Variants in SH3BP4 observed in about 807,000 individuals in gnomAD.
SH3BP4 encodes the protein SH3 domain-binding protein 4.
SH3BP4 carries 33 observed loss-of-function variants against 65.5 expected under a neutral mutation model. The ratio of observed to expected loss-of-function variants is 0.50; its 90% CI spans 0.38 to 0.67. The LOEUF is 0.67. Ranked by LOEUF, SH3BP4 falls within the 30% of genes least tolerant of loss-of-function variation. The pLI, the probability that SH3BP4 is intolerant of heterozygous loss-of-function variation, is 0.00. For missense variants in SH3BP4, 1,134 were observed against 1,261.4 expected, an observed-to-expected ratio of 0.90 and a Z score of 1.53; for synonymous variants, 552 against 545.5, an observed-to-expected ratio of 1.01 and a Z score of -0.17.
intron 2 of SH3BP4, among the ~76,000 whole-genome samples, chr2:235,016,416 A>G (rs1205972305): frequency 6.6e-6 from 1 of 152,130 alleles, no homozygotes; most frequent in African/African-American, 2.4e-5. Flanking sequence ...TTCCTCTGTG[A>G]CTGGAAGTGT....
intron 3 of SH3BP4, among the ~76,000 whole-genome samples, chr2:235,037,644 G>C (rs1254681169): frequency 6.6e-6 from 1 of 152,156 alleles, no homozygotes; most frequent in Non-Finnish European, 1.5e-5. Context: ...GCAAGATTTT[G>C]ATGGCCGGCA....
chr2:235,037,659 C>T (rs965167607), intron 3 of SH3BP4, among the ~76,000 whole-genome samples: 1 of 152,118 alleles, frequency 6.6e-6, no homozygotes, highest in African/African-American at 2.4e-5. Flanking sequence ...CCGGCAAGCT[C>T]TATTTAATTT....
intron 2 of SH3BP4, among the ~76,000 whole-genome samples, chr2:235,000,156 G>A (rs1381835367): frequency 6.6e-6 from 1 of 152,192 alleles, no homozygotes; most frequent in African/African-American, 2.4e-5. Flanking sequence ...TAGGGGAAGT[G>A]GCACTCACTT....
intron 1 of SH3BP4, among the ~76,000 whole-genome samples, chr2:234,968,034 C>G (rs10179530): frequency 0.04 from 6,160 of 152,204 alleles, 419 homozygotes; most frequent in African/African-American, 0.14. Flanking sequence ...GTGAGGGCGA[C>G]CACACCCAGG....
At chr2:234,957,692 C>G (rs1315237064) in intron 1 of SH3BP4, among the ~76,000 whole-genome samples, 1 of 151,880 alleles carries the variant, frequency 6.6e-6, no homozygotes, top group Non-Finnish European at 1.5e-5. Context: ...GGGTCCAGAC[C>G]TCTGTAGATT....
intron 1 of SH3BP4, among the ~76,000 whole-genome samples, chr2:234,987,928 A>C (rs901492138): frequency 6.6e-6 from 1 of 152,216 alleles, no homozygotes; most frequent in Admixed American, 6.5e-5. Flanking sequence ...ACCCACATGC[A>C]TGATGACATC....
intron 2 of SH3BP4, among the ~76,000 whole-genome samples, chr2:235,023,274 C>T (rs937286991): frequency 6.6e-5 from 10 of 152,268 alleles, no homozygotes; most frequent in Admixed American, 3.3e-4. Flanking sequence ...AGGCTGGGCA[C>T]GGTGGCTCAC....
intron 1 of SH3BP4, among the ~76,000 whole-genome samples, chr2:234,960,583 A>G (rs750041147): frequency 3.3e-5 from 5 of 152,184 alleles, no homozygotes; most frequent in Non-Finnish European, 5.9e-5. Flanking sequence ...TGTGTATCTT[A>G]TTGGAGCCAC....
intron 4 of SH3BP4, among the ~76,000 whole-genome samples, chr2:235,043,958 G>C (rs936563629): frequency 6.6e-6 from 1 of 152,244 alleles, no homozygotes; most frequent in Admixed American, 6.5e-5. Flanking sequence ...CTCCAAGAGG[G>C]TCCCAGAATG....
intron 2 of SH3BP4, among the ~76,000 whole-genome samples, chr2:235,023,378 C>T (rs1694901951): frequency 6.6e-6 from 1 of 152,102 alleles, no homozygotes; most frequent in South Asian, 2.1e-4. Flanking sequence ...GAAACCCTGT[C>T]TGTATTTAAA....
At chr2:234,966,223 A>G (rs1489004676) in intron 1 of SH3BP4, among the ~76,000 whole-genome samples, 1 of 152,172 alleles carries the variant, frequency 6.6e-6, no homozygotes, top group Non-Finnish European at 1.5e-5. Flanking sequence ...TACTAAAAAT[A>G]CAAAATTAAC....
intron 1 of SH3BP4, among the ~76,000 whole-genome samples, chr2:234,993,665 G>T (rs56838198): frequency 0.3 from 45,014 of 152,060 alleles, 7,431 homozygotes; most frequent in African/African-American, 0.44. Flanking sequence ...GCCCTTTTAT[G>T]TCTTTTAAGA....
At chr2:235,044,793 G>A (rs530768701) in intron 4 of SH3BP4, among the ~76,000 whole-genome samples, 3 of 152,338 alleles carry the variant, frequency 2.0e-5, no homozygotes, top group South Asian at 4.1e-4. Flanking sequence ...CAGAAGGGAC[G>A]CAGCCCGGCA....
At chr2:235,050,591 C>T (rs957093548) in intron 4 of SH3BP4, among the ~76,000 whole-genome samples, 1 of 152,054 alleles carries the variant, frequency 6.6e-6, no homozygotes, top group Non-Finnish European at 1.5e-5. Context: ...GCTGGGGGCC[C>T]ACCTAGAAGG....
chr2:234,988,319 A>G (rs1033728675), intron 1 of SH3BP4, among the ~76,000 whole-genome samples: 1 of 152,120 alleles, frequency 6.6e-6, no homozygotes, highest in African/African-American at 2.4e-5. Flanking sequence ...TTGGCCTCCC[A>G]AAGTGCTGGG....
At chr2:234,988,216 C>T (rs535772413) in intron 1 of SH3BP4, among the ~76,000 whole-genome samples, 18 of 152,192 alleles carry the variant, frequency 1.2e-4, no homozygotes, top group Admixed American at 7.2e-4. Context: ...CCCACCACCA[C>T]GCCTGGCTAA....
intron 1 of SH3BP4, among the ~76,000 whole-genome samples, chr2:234,994,359 C>T (rs945104244): frequency 3.3e-5 from 5 of 152,108 alleles, no homozygotes; most frequent in Non-Finnish European, 7.3e-5. Flanking sequence ...CTGGTTCCTG[C>T]AGAGGATGAG....
At chr2:234,989,575 G>A (rs1171409168) in intron 1 of SH3BP4, among the ~76,000 whole-genome samples, 1 of 152,172 alleles carries the variant, frequency 6.6e-6, no homozygotes, top group Non-Finnish European at 1.5e-5. Flanking sequence ...TCTGTAAAAA[G>A]CCAGAGAGTA....
chr2:235,035,340 G>A lies in SH3BP4; in HGVS notation c.118+220G>A, dbSNP rs1012266351. On this transcript the variant is annotated intron_variant, in intron 3 of 5. Transcript: ENST00000392011. This position sits in a 1 kb window ranked among gnomAD's most constrained non-coding sequence, Gnocchi z 5.0. ...ATTAGTGAAACCCCTTCTTAATACA[G>A]GGTATGTTTCTTTTTACTTGATAAA... is the stretch of plus-strand genomic sequence containing the variant. Among the ~76,000 whole-genome samples the A allele has an allele frequency of 2.0e-5, 3 of 152,184 alleles. No homozygotes were observed. The highest frequency in any genetic ancestry group is 2.9e-5 in the Non-Finnish European group (2 of 68,038).
Sources: gnomAD v4.1 joint callset for allele counts (sites outside exome capture counted in the v4.1 genomes callset) on GRCh38, gnomAD v4.1.1 for gene constraint, Gnocchi (gnomAD v3.1) non-coding constraint, MANE v1.5 for transcripts, NCBI Gene and HGNC (gene_info 2026-07-23, HGNC 2026-07-21) for gene names.